RBFOX1: variants seen among roughly 807,000 people sequenced by gnomAD.
The protein encoded by RBFOX1 is RNA binding fox-1 homolog 1, also known as RNA binding protein fox-1 homolog 1.
In RBFOX1, 8 loss-of-function variants were observed where a neutral mutation model predicts 57.7. The ratio of observed to expected loss-of-function variants is 0.14; its 90% CI spans 0.08 to 0.25. The LOEUF (loss-of-function observed/expected upper bound fraction) is 0.25. Among genes scored for constraint, RBFOX1 ranks in the 10% least tolerant of loss-of-function variants. The probability of loss-of-function intolerance (pLI) is 1.00; values close to 1 mark genes in which losing one functional copy is unlikely to be tolerated. For synonymous variants in RBFOX1, 326 were observed against 222.4 expected, an observed-to-expected ratio of 1.47 and a Z score of -4.15; for missense variants, 611 against 548.5, an observed-to-expected ratio of 1.11 and a Z score of -1.14.
intron 3 of RBFOX1, among the ~76,000 whole-genome samples, chr16:5,769,800 T>A (rs1445113156): frequency 6.6e-6 from 1 of 152,194 alleles, no homozygotes; most frequent in Non-Finnish European, 1.5e-5. Flanking sequence ...TGTCAATACC[T>A]TGATTTTGGA....
At chr16:6,725,647 T>TG (rs1383814897) in intron 3 of RBFOX1, among the ~76,000 whole-genome samples, 1 of 152,218 alleles carries the variant, frequency 6.6e-6, no homozygotes, top group Non-Finnish European at 1.5e-5. Flanking sequence ...TCTTTATTCC[T>TG]TTTAATTTCT....
chr16:6,269,612 C>T (rs1225902132), intron 1 of RBFOX1, among the ~76,000 whole-genome samples: 2 of 152,266 alleles, frequency 1.3e-5, no homozygotes, highest in East Asian at 3.9e-4. Flanking sequence ...AAATACTTGT[C>T]AACTCAGAAT....
At chr16:6,938,806 C>A (rs2077814901) in intron 3 of RBFOX1, among the ~76,000 whole-genome samples, 1 of 152,222 alleles carries the variant, frequency 6.6e-6, no homozygotes, top group East Asian at 1.9e-4. Flanking sequence ...GTGGGTTGTG[C>A]CTGTAATCCC....
In RBFOX1 at chr16:6,641,562, C is replaced by A. The variant is rs139729342; in HGVS notation, c.-63-13041C>A. ...CAAGACCAGGCAACAAAGTGAAACC[C>A]CGTCTCTACTAGAAATACAAAAGTT... is the stretch of plus-strand genomic sequence containing the variant. On this transcript the variant is annotated intron_variant, in intron 2 of 15. Coordinates refer to ENST00000550418, the MANE Select transcript of RBFOX1 (RefSeq NM_018723.4). Among the ~76,000 whole-genome samples, 1,408 of 151,786 alleles carry A rather than the reference C, an allele frequency of 9.3e-3. 22 individuals carry two copies. Among genetic ancestry groups the A allele is most frequent in the African/African-American group, 0.032 (1,331 of 41,384 alleles).
At chr16:5,887,786 C>G (rs145304777) in intron 4 of RBFOX1, among the ~76,000 whole-genome samples, 1 of 152,110 alleles carries the variant, frequency 6.6e-6, no homozygotes, top group Non-Finnish European at 1.5e-5. Context: ...ACCACGCAAC[C>G]GAATGGTTGT....
intron 4 of RBFOX1, among the ~76,000 whole-genome samples, chr16:7,447,608 C>A (rs564502993): frequency 6.6e-6 from 1 of 152,100 alleles, no homozygotes; most frequent in Non-Finnish European, 1.5e-5. Flanking sequence ...AGTAATAAAG[C>A]TGATTTTATA....
chr16:5,471,915 C>A (rs1157785889), intron 2 of RBFOX1, among the ~76,000 whole-genome samples: 1 of 152,136 alleles, frequency 6.6e-6, no homozygotes, highest in African/African-American at 2.4e-5. Flanking sequence ...CCGCTTCATG[C>A]AGCATGGGTG....
At chr16:7,661,690 G>C (rs8056291) in intron 12 of RBFOX1, among the ~76,000 whole-genome samples, 12 of 152,104 alleles carry the variant, frequency 7.9e-5, no homozygotes, top group Admixed American at 2.0e-4. Context: ...TTTCTTCTTC[G>C]GTCTTCATGC....
chr16:6,858,822 T>C (rs902045130), intron 3 of RBFOX1, among the ~76,000 whole-genome samples: 3 of 152,186 alleles, frequency 2.0e-5, no homozygotes, highest in East Asian at 3.9e-4. Context: ...CTCTGCTGGT[T>C]AGAAGTATAA....
intron 3 of RBFOX1, among the ~76,000 whole-genome samples, chr16:5,698,677 C>A (rs114023342): frequency 2.0e-5 from 3 of 151,988 alleles, no homozygotes; most frequent in African/African-American, 7.3e-5. Flanking sequence ...TTCACCAGGG[C>A]CAAAAGTTGG....
intron 4 of RBFOX1, among the ~76,000 whole-genome samples, chr16:7,239,709 G>C (rs941131685): frequency 6.6e-6 from 1 of 152,122 alleles, no homozygotes; most frequent in Non-Finnish European, 1.5e-5. Flanking sequence ...CTTTGATCTA[G>C]GCAGTTAGCT....
chr16:5,423,583 G>T (rs564591510), intron 1 of RBFOX1, among the ~76,000 whole-genome samples: 1 of 152,094 alleles, frequency 6.6e-6, no homozygotes, highest in Non-Finnish European at 1.5e-5. Context: ...CCATTGCTGC[G>T]TGTCTGTGAG....
chr16:5,498,293 C>T (rs925446110), intron 2 of RBFOX1, among the ~76,000 whole-genome samples: 2 of 152,138 alleles, frequency 1.3e-5, no homozygotes, highest in African/African-American at 2.4e-5. Context: ...CAAGCATGCA[C>T]TACCACGCCC....
chr16:6,507,774 T>C (rs2096143356), intron 2 of RBFOX1, among the ~76,000 whole-genome samples: 1 of 151,846 alleles, frequency 6.6e-6, no homozygotes, highest in Non-Finnish European at 1.5e-5. Flanking sequence ...AGTAGTCAAA[T>C]TCATAAAGAC....
intron 3 of RBFOX1, among the ~76,000 whole-genome samples, chr16:6,781,387 C>T (rs779571022): frequency 6.6e-6 from 1 of 151,960 alleles, no homozygotes; most frequent in Admixed American, 6.6e-5. Flanking sequence ...CTGAAGTTTT[C>T]TTTTTTCGTT....
chr16:5,765,918 T>C (rs1165185289), intron 3 of RBFOX1, among the ~76,000 whole-genome samples: 1 of 152,208 alleles, frequency 6.6e-6, no homozygotes, highest in Non-Finnish European at 1.5e-5. Flanking sequence ...CTGCAGTCTC[T>C]GGTGTTCCAC....
chr16:5,710,162 G>A (rs1455494605), intron 3 of RBFOX1, among the ~76,000 whole-genome samples: 5 of 151,986 alleles, frequency 3.3e-5, no homozygotes, highest in African/African-American at 1.2e-4. Flanking sequence ...TCAGAGCCAT[G>A]TGAGTTTAGA....
intron 15 of RBFOX1, chr16:7,709,674 A>G (rs1274249037): frequency 1.4e-6 from 2 of 1,448,958 alleles, no homozygotes; most frequent in Non-Finnish European, 9.1e-7. Context: ...TACCTAGTAC[A>G]TAAGAAAGTA....
At chr16:7,240,831 A>G (rs1456795678) in intron 4 of RBFOX1, among the ~76,000 whole-genome samples, 1 of 152,186 alleles carries the variant, frequency 6.6e-6, no homozygotes, top group East Asian at 1.9e-4. Context: ...CAGCCTTCCA[A>G]AGTTCTAGGA....
Sources: allele counts gnomAD v4.1 joint callset (sites outside exome capture counted in the v4.1 genomes callset), GRCh38; gene constraint gnomAD v4.1.1; transcripts MANE v1.5; gene names NCBI Gene and HGNC (gene_info 2026-07-23, HGNC 2026-07-21).